NSMCE2: variants seen among roughly 807,000 people sequenced by gnomAD.
NSMCE2 encodes E3 SUMO-protein ligase NSE2.
A neutral mutation model predicts 23.8 loss-of-function variants in NSMCE2; 24 were observed. The observed-to-expected ratio is 1.01, with a 90% confidence interval of 0.73 to 1.42. The LOEUF (loss-of-function observed/expected upper bound fraction) is 1.42. NSMCE2 is among the 40% of genes most tolerant of loss of function. The probability of loss-of-function intolerance (pLI) is 0.00; values close to 1 mark genes in which losing one functional copy is unlikely to be tolerated. For synonymous variants in NSMCE2, 92 were observed against 94.1 expected, an observed-to-expected ratio of 0.98 and a Z score of 0.13; for missense variants, 284 against 296.5, an observed-to-expected ratio of 0.96 and a Z score of 0.31.
intron 5 of NSMCE2, among the ~76,000 whole-genome samples, chr8:125,336,920 A>G (rs1052799461): frequency 6.6e-6 from 1 of 152,252 alleles, no homozygotes; most frequent in Non-Finnish European, 1.5e-5. Context: ...CCATCTGGGA[A>G]CTATGGGAAT....
intron 5 of NSMCE2, among the ~76,000 whole-genome samples, chr8:125,344,304 A>G (rs865831937): frequency 3.3e-5 from 5 of 152,198 alleles, no homozygotes; most frequent in Non-Finnish European, 5.9e-5. Flanking sequence ...AAAAAGCTCA[A>G]GCTAAATAAT....
chr8:125,225,574 A>G (rs1004730583), intron 5 of NSMCE2, among the ~76,000 whole-genome samples: 1 of 152,240 alleles, frequency 6.6e-6, no homozygotes, highest in African/African-American at 2.4e-5. Context: ...GTCTAAGGGT[A>G]CAGTGAGCAG....
chr8:125,338,021 G>A (rs1830120065), intron 5 of NSMCE2, among the ~76,000 whole-genome samples: 2 of 152,106 alleles, frequency 1.3e-5, no homozygotes, highest in South Asian at 4.2e-4. Context: ...TGATTGAAAG[G>A]ATAAAGCATT....
At chr8:125,256,920 GTCAAAAAAAAAAA>G in intron 5 of NSMCE2, among the ~76,000 whole-genome samples, 1 of 41,272 alleles carries the variant, frequency 2.4e-5, no homozygotes, top group Admixed American at 4.1e-4. Flanking sequence ...AAGACTCTGT[GTCAAAAAAAAAAA>G]AAAAAAAAAA....
chr8:125,252,889 C>T (rs1287223217), intron 5 of NSMCE2, among the ~76,000 whole-genome samples: 1 of 152,222 alleles, frequency 6.6e-6, no homozygotes, highest in Non-Finnish European at 1.5e-5. Flanking sequence ...TTTAAAGTGT[C>T]CTCACCTACC....
intron 3 of NSMCE2, among the ~76,000 whole-genome samples, chr8:125,110,656 G>T (rs143663800): frequency 6.6e-6 from 1 of 151,856 alleles, no homozygotes; most frequent in East Asian, 1.9e-4. Context: ...CATAGTTTCT[G>T]CCCTTCACCA....
At chr8:125,169,212 A>AGT in intron 4 of NSMCE2, among the ~76,000 whole-genome samples, 2 of 152,276 alleles carry the variant, frequency 1.3e-5, no homozygotes, top group East Asian at 3.9e-4. Context: ...CACTCAGTAA[A>AGT]GCCTGCTATT....
chr8:125,119,012 C>T (rs977399651), intron 3 of NSMCE2, among the ~76,000 whole-genome samples: 2 of 152,194 alleles, frequency 1.3e-5, no homozygotes, highest in African/African-American at 4.8e-5. Flanking sequence ...GTCCTTCCTC[C>T]AGTGGCCCAG....
intron 5 of NSMCE2, among the ~76,000 whole-genome samples, chr8:125,339,139 T>C (rs528688928): frequency 5.8e-4 from 89 of 152,314 alleles, no homozygotes; most frequent in African/African-American, 1.9e-3. Flanking sequence ...CTCTGCAGTG[T>C]CTTCTGTCAG....
At chr8:125,330,627 A>G (rs1208488277) in intron 5 of NSMCE2, among the ~76,000 whole-genome samples, 1 of 152,052 alleles carries the variant, frequency 6.6e-6, no homozygotes, top group Non-Finnish European at 1.5e-5. Context: ...CACCTGGGCA[A>G]CTCCAGATTT....
chr8:125,293,338 G>T (rs538630830), intron 5 of NSMCE2, among the ~76,000 whole-genome samples: 1 of 152,272 alleles, frequency 6.6e-6, no homozygotes, highest in East Asian at 1.9e-4. Flanking sequence ...TTATAACCAG[G>T]ACTGACGAAA....
chr8:125,180,528 T>G (rs1356236446), intron 4 of NSMCE2, among the ~76,000 whole-genome samples: 1 of 152,246 alleles, frequency 6.6e-6, no homozygotes, highest in African/African-American at 2.4e-5. Flanking sequence ...GCATATACTT[T>G]GCAGATAATC....
intron 7 of NSMCE2, among the ~76,000 whole-genome samples, chr8:125,366,282 G>A (rs998569846): frequency 2.6e-5 from 4 of 152,050 alleles, no homozygotes; most frequent in African/African-American, 4.8e-5. Flanking sequence ...GGCTCACGCC[G>A]GTAATCCCAG....
At chr8:125,208,409 G>A (rs1031526127) in intron 5 of NSMCE2, among the ~76,000 whole-genome samples, 1 of 152,212 alleles carries the variant, frequency 6.6e-6, no homozygotes, top group Non-Finnish European at 1.5e-5. Context: ...ATGGGACATA[G>A]TCTTTACTTT....
chr8:125,333,145 A>T (rs1053607782), intron 5 of NSMCE2, among the ~76,000 whole-genome samples: 2 of 148,682 alleles, frequency 1.3e-5, no homozygotes, highest in African/African-American at 2.4e-5. Flanking sequence ...CAGTAGACCT[A>T]AGAATCTAGA....
At chr8:125,252,201 T>A (rs1385497574) in intron 5 of NSMCE2, among the ~76,000 whole-genome samples, 3 of 152,038 alleles carry the variant, frequency 2.0e-5, no homozygotes, top group Non-Finnish European at 2.9e-5. Context: ...TGGAAAGGGA[T>A]GACAGAAAGA....
chr8:125,158,517 A>G (rs1821439846), intron 4 of NSMCE2, among the ~76,000 whole-genome samples: 1 of 152,198 alleles, frequency 6.6e-6, no homozygotes, highest in Non-Finnish European at 1.5e-5. Context: ...ACAGCACTCC[A>G]GGTAGGTACT....
intron 5 of NSMCE2, chr8:125,351,505 G>A (rs1414570486): frequency 1.3e-5 from 2 of 152,148 alleles, no homozygotes; most frequent in Non-Finnish European, 2.9e-5. Context: ...GTAGAGGTCT[G>A]AGATCAGTCC....
intron 5 of NSMCE2, among the ~76,000 whole-genome samples, chr8:125,317,040 G>C (rs753713112): frequency 4.1e-4 from 62 of 151,302 alleles, no homozygotes; most frequent in Non-Finnish European, 6.8e-4. Context: ...CACCTGCCTT[G>C]GCCTCCCAAA....
Sources: allele counts gnomAD v4.1 joint callset (sites outside exome capture counted in the v4.1 genomes callset), GRCh38; gene constraint gnomAD v4.1.1; transcripts MANE v1.5; gene names NCBI Gene and HGNC (gene_info 2026-07-23, HGNC 2026-07-21).